MIA2: variants seen among roughly 807,000 people sequenced by gnomAD.
The protein encoded by MIA2 is melanoma inhibitory activity protein 2.
MIA2 carries 127 observed loss-of-function variants against 167.8 expected under a neutral mutation model. The observed-to-expected ratio is 0.76, with a 90% CI of 0.66 to 0.88. The LOEUF (loss-of-function observed/expected upper bound fraction) is 0.88, where lower values mean the gene tolerates loss of function less well. MIA2 is among the 40% of genes least tolerant of loss of function. The pLI is 0.00. For synonymous variants in MIA2, 552 were observed against 541.9 expected (o/e 1.02, Z -0.26); for missense variants, 1,690 against 1,624.7 (o/e 1.04, Z -0.69).
intron 25 of MIA2, among the ~76,000 whole-genome samples, chr14:39,327,726 TTC>T (rs2067875418): frequency 6.6e-6 from 1 of 152,198 alleles, no homozygotes; most frequent in Non-Finnish European, 1.5e-5. Flanking sequence ...GTGTTTGGTT[TTC>T]TGTTCCTGTG....
Position 39,333,599 on chromosome 14 carries a change from C to A in MIA2, c.3655+6577C>A, listed in dbSNP as rs548447429. Among the ~76,000 whole-genome samples, 11 of 152,274 alleles carry A rather than the reference C, an allele frequency of 7.2e-5. No homozygotes were observed. The South Asian group carries it at 1.5e-3, about 20-fold the overall frequency. ...TTTGACTGCTGTGTGCTGCAACTCACTGTGGTCTTCTATCAGGCTAAAACA... is the reference window on the plus strand; with the variant it reads ...TTTGACTGCTGTGTGCTGCAACTCAATGTGGTCTTCTATCAGGCTAAAACA... On this transcript the variant is annotated intron_variant, in intron 25 of 28. Transcript: ENST00000640607.
At chr14:39,314,378 ACT>A (rs890451569) in intron 19 of MIA2, among the ~76,000 whole-genome samples, 1 of 80,786 alleles carries the variant, frequency 1.2e-5, no homozygotes, top group Admixed American at 1.4e-4. Context: ...CAAGAGCGAC[ACT>A]CTGTTTAAAA....
At chr14:39,386,581 C>T (rs1016619779) in intron 23 of MIA2, 2 of 1,089,512 alleles carry the variant, frequency 1.8e-6, no homozygotes, top group Middle Eastern at 2.8e-4. Context: ...TCATCACCTG[C>T]TGTGCCACAG....
chr14:39,292,905 A>G (rs1595168598), intron 10 of MIA2, among the ~76,000 whole-genome samples: 1 of 151,920 alleles, frequency 6.6e-6, no homozygotes, highest in African/African-American at 2.4e-5. Context: ...TTTTCTTTAT[A>G]GTGCTTTTAA....
At chr14:39,328,492 GGCTTTTGTTGCCATT>G (rs779867475) in intron 25 of MIA2, among the ~76,000 whole-genome samples, 29 of 152,106 alleles carry the variant, frequency 1.9e-4, no homozygotes, top group Non-Finnish European at 4.0e-4. Context: ...TGTCAATTTT[GGCTTTTGTTGCCATT>G]GCTTTTGTTG....
chr14:39,349,924 T>C (rs879612098), intron 28 of MIA2, among the ~76,000 whole-genome samples, 174 bp from the exon 29 acceptor site: 3 of 152,178 alleles, frequency 2.0e-5, no homozygotes, highest in Non-Finnish European at 4.4e-5. Flanking sequence ...TCATCTGTAT[T>C]TGAAGAGGTA....
intron 23 of MIA2, among the ~76,000 whole-genome samples, chr14:39,374,195 G>T (rs1254861184): frequency 6.6e-6 from 1 of 152,200 alleles, no homozygotes; most frequent in Non-Finnish European, 1.5e-5. Context: ...TGGTAGCTGA[G>T]AATTTCTCAG....
chr14:39,359,822 T>C (rs1390837217), intron 23 of MIA2, among the ~76,000 whole-genome samples: 5 of 152,226 alleles, frequency 3.3e-5, no homozygotes. Flanking sequence ...TATATGCTTA[T>C]TTCTTTTCCT....
chr14:39,277,724 ATATATATATATATATATATGTGTG>A (rs1265136928), intron 7 of MIA2, among the ~76,000 whole-genome samples: 413 of 3,070 alleles, frequency 0.13, 114 homozygotes, highest in African/African-American at 0.39. Flanking sequence ...ATGTGTGTAT[ATATATATATATATATATATGTGTG>A]TATATATATA....
chr14:39,360,844 T>C (rs1414451120), intron 23 of MIA2, among the ~76,000 whole-genome samples: 4 of 152,206 alleles, frequency 2.6e-5, no homozygotes, highest in African/African-American at 7.2e-5. Flanking sequence ...TGGTGAGAGA[T>C]AAGGGTCTGG....
rs758914530 is a variant in MIA2 at position 39,276,942 on chromosome 14, A to G, written c.1896A>G (p.Ala632=). The change falls in exon 7 of 29, where the codon GCA becomes GCG. Residue 632 remains alanine (A), a synonymous_variant. Coordinates refer to ENST00000640607, the MANE Select transcript of MIA2 (RefSeq NM_001329214.4). ...TTTTCTTTATCTTGAAGGTTGTGGC[A>G]GCACTGCCTGAAGGTATGAGACCAG... ...PIVILTERVV[A]ALPEGMRPDS... 5 of 1,612,360 alleles carry G rather than the reference A, an allele frequency of 3.1e-6. No homozygotes were observed. In the African/African-American group the frequency reaches 5.3e-5, roughly 17 times the overall value.
intron 6 of MIA2, chr14:39,267,329 T>G (rs2055987904): frequency 1.3e-6 from 2 of 1,530,898 alleles, no homozygotes; most frequent in African/African-American, 1.4e-5. Context: ...CGCAGCCGGC[T>G]CCGCAGTGGT....
At chr14:39,267,443 A>G (rs772438716) in intron 6 of MIA2, 3 of 1,611,982 alleles carry the variant, frequency 1.9e-6, no homozygotes, top group Admixed American at 1.7e-5. Context: ...GGCGACCACG[A>G]GAGCAGCTTT....
chr14:39,307,265 ACT>A (rs2063490673), intron 17 of MIA2, among the ~76,000 whole-genome samples: 1 of 151,976 alleles, frequency 6.6e-6, no homozygotes, highest in Admixed American at 6.6e-5. Flanking sequence ...TCCCTTTAAA[ACT>A]CTTATCTCCA....
At position 39,247,978 on chromosome 14, in the gene MIA2, G is replaced by C; in HGVS notation, c.1404G>C (p.Trp468Cys). ...TCTTGTATAATTTTGACAACCCTTG[G>C]AACTTCCAGAACATTCCAAAGGAAA... ...KKFLYNFDNP[W>C]NFQNIPKETE... is the part of the protein sequence containing the mutation. The change falls in exon 4 of 29, where the codon TGG becomes TGC. Residue 468 changes from tryptophan to cysteine, a missense_variant. Coordinates refer to ENST00000640607, the MANE Select transcript of MIA2 (RefSeq NM_001329214.4). 1 of 1,590,886 alleles carries C rather than the reference G, an allele frequency of 6.3e-7. No homozygotes were observed. Among genetic ancestry groups the C allele is most frequent in the Non-Finnish European group, 8.5e-7 (1 of 1,174,458 alleles).
At position 39,350,323 on chromosome 14, in the gene MIA2, C is replaced by T; in HGVS notation, c.*59C>T. The T allele has an allele frequency of 2.9e-6, 2 of 694,098 alleles. No homozygotes were observed. The allele number at this position is 694,098 out of a possible 1,614,324, so 43.0% of individuals were successfully genotyped here. A position where few individuals can be genotyped will look rare whatever the true frequency, so the allele number is the denominator to read the frequency against. On this transcript the variant is annotated 3_prime_UTR_variant, in exon 29 of 29. Transcript: ENST00000640607. ...CTGATCTCATTTTCAGTTTAAGTAACTGCTGTTACTTAAGTGATTACACTT... is the reference window on the plus strand; with the variant it reads ...CTGATCTCATTTTCAGTTTAAGTAATTGCTGTTACTTAAGTGATTACACTT...
At chr14:39,285,910 C>T (rs1250669054) in intron 9 of MIA2, among the ~76,000 whole-genome samples, 2 of 151,708 alleles carry the variant, frequency 1.3e-5, no homozygotes, top group East Asian at 2.0e-4. Flanking sequence ...AGATGCTCCT[C>T]ACTTCCTAGA....
At chr14:39,353,811 G>A (rs536523077), downstream of MIA2, among the ~76,000 whole-genome samples, 4 of 152,058 alleles carry the variant, frequency 2.6e-5, no homozygotes, top group Non-Finnish European at 5.9e-5. Flanking sequence ...GAGAATATGC[G>A]GTGTTTGGTT....
intron 9 of MIA2, among the ~76,000 whole-genome samples, chr14:39,285,843 G>A (rs1356680900): frequency 3.3e-5 from 5 of 151,854 alleles, no homozygotes; most frequent in Non-Finnish European, 7.4e-5. Flanking sequence ...CCTCCCAGAC[G>A]GGGTCGCGGC....
Sources: allele counts gnomAD v4.1 joint callset (sites outside exome capture counted in the v4.1 genomes callset), GRCh38; gene constraint gnomAD v4.1.1; transcripts MANE v1.5; gene names NCBI Gene and HGNC (gene_info 2026-07-23, HGNC 2026-07-21).